Variants in MCC observed in about 807,000 individuals in gnomAD.
MCC encodes colorectal mutant cancer protein.
Under a neutral mutation model 116.2 loss-of-function variants are expected in MCC, and 90 were observed. The ratio of observed to expected loss-of-function variants is 0.77; its 90% CI spans 0.65 to 0.92. The LOEUF (loss-of-function observed/expected upper bound fraction) is 0.92, where lower values mean the gene tolerates loss of function less well. MCC is among the 40% of genes least tolerant of loss of function. MCC has a pLI of 0.00. For synonymous variants in MCC, 578 were observed against 510.5 expected (o/e 1.13, Z -1.78); for missense variants, 1,516 against 1,312.2 (o/e 1.16, Z -2.40).
At chr5:113,416,227 G>A (rs926170087) in intron 1 of MCC, among the ~76,000 whole-genome samples, 3 of 152,176 alleles carry the variant, frequency 2.0e-5, no homozygotes, top group Non-Finnish European at 4.4e-5. Context: ...ATAAGGTCCC[G>A]ACTTTTCTGT....
At chr5:113,403,676 G>A (rs946641755) in intron 1 of MCC, among the ~76,000 whole-genome samples, 1 of 152,068 alleles carries the variant, frequency 6.6e-6, no homozygotes, top group African/African-American at 2.4e-5. Context: ...AGAAGAGGAA[G>A]GTGGGAAATG....
chr5:113,299,071 G>A (rs1184157227), intron 3 of MCC, among the ~76,000 whole-genome samples: 1 of 151,974 alleles, frequency 6.6e-6, no homozygotes, highest in East Asian at 1.9e-4. Context: ...GGCGGATCAC[G>A]AGGTCACCAG....
intron 1 of MCC, among the ~76,000 whole-genome samples, chr5:113,415,660 C>T (rs1021338993): frequency 2.6e-5 from 4 of 152,116 alleles, no homozygotes; most frequent in Non-Finnish European, 5.9e-5. Flanking sequence ...TTCTATTTAG[C>T]CATTGGTCTA....
intron 5 of MCC, among the ~76,000 whole-genome samples, chr5:113,137,040 C>G (rs1224113122): frequency 6.6e-6 from 1 of 152,118 alleles, no homozygotes; most frequent in African/African-American, 2.4e-5. Flanking sequence ...AGTCTGTTCT[C>G]ACACTGCTAT....
intron 5 of MCC, among the ~76,000 whole-genome samples, chr5:113,140,869 G>A (rs1561394531): frequency 6.6e-6 from 1 of 152,138 alleles, no homozygotes; most frequent in Non-Finnish European, 1.5e-5. Context: ...TACTGCATTT[G>A]GCCCATCACA....
chr5:113,069,118 A>G (rs944039553), intron 12 of MCC, among the ~76,000 whole-genome samples: 3 of 152,262 alleles, frequency 2.0e-5, no homozygotes, highest in Non-Finnish European at 4.4e-5. Context: ...CATACTTCAT[A>G]TGTTCAATAG....
intron 3 of MCC, among the ~76,000 whole-genome samples, chr5:113,339,762 C>T (rs1767965641): frequency 6.6e-6 from 1 of 152,222 alleles, no homozygotes; most frequent in East Asian, 1.9e-4. Flanking sequence ...TTGAAAACCA[C>T]TGGTCTACAT....
intron 14 of MCC, among the ~76,000 whole-genome samples, chr5:113,060,883 G>T (rs776163252): frequency 6.6e-6 from 1 of 152,148 alleles, no homozygotes; most frequent in Admixed American, 6.5e-5. Context: ...AGATGGAAAA[G>T]CACCTCTCCT....
intron 6 of MCC, among the ~76,000 whole-genome samples, chr5:113,119,775 G>A (rs1243652871): frequency 6.6e-6 from 1 of 152,174 alleles, no homozygotes; most frequent in Non-Finnish European, 1.5e-5. Context: ...CTCCCCTCCA[G>A]GAACTCAGTC....
chr5:113,292,158 G>C (rs1430077672), intron 3 of MCC, among the ~76,000 whole-genome samples: 19 of 152,092 alleles, frequency 1.2e-4, no homozygotes, highest in Admixed American at 1.2e-3. Flanking sequence ...CTTGAACCCG[G>C]GAGGCAGAGG....
At chr5:113,050,416 A>G (rs531105699) in intron 15 of MCC, among the ~76,000 whole-genome samples, 2 of 152,218 alleles carry the variant, frequency 1.3e-5, no homozygotes, top group East Asian at 3.9e-4. Context: ...CTGAGGTAAT[A>G]AACCACAGGC....
At chr5:113,367,461 A>G (rs547862629) in intron 2 of MCC, among the ~76,000 whole-genome samples, 15 of 151,964 alleles carry the variant, frequency 9.9e-5, no homozygotes, top group South Asian at 4.2e-4. Flanking sequence ...ACTTGCTCCA[A>G]TGTCCATTAT....
intron 14 of MCC, among the ~76,000 whole-genome samples, chr5:113,062,906 A>T (rs753934750): frequency 1.1e-4 from 16 of 152,246 alleles, no homozygotes; most frequent in Admixed American, 3.3e-4. Flanking sequence ...CCAAGAAAGC[A>T]TCAGTATTTC....
intron 1 of MCC, among the ~76,000 whole-genome samples, chr5:113,419,513 G>C (rs570249114): frequency 6.6e-6 from 1 of 152,054 alleles, no homozygotes; most frequent in African/African-American, 2.4e-5. Context: ...GGAACAGTCT[G>C]AAATTTGATA....
intron 1 of MCC, among the ~76,000 whole-genome samples, chr5:113,424,401 G>C (rs1770429307): frequency 6.6e-6 from 1 of 152,010 alleles, no homozygotes; most frequent in African/African-American, 2.4e-5. Context: ...AATTTTCACA[G>C]AACAATAATA....
At chr5:113,143,155 T>C in intron 5 of MCC, 63 bp downstream of exon 5, 2 of 1,508,420 alleles carry the variant, frequency 1.3e-6, no homozygotes, top group Non-Finnish European at 1.8e-6. Flanking sequence ...TTGGGGCTAC[T>C]TCAGCTCCAA....
intron 3 of MCC, among the ~76,000 whole-genome samples, chr5:113,217,221 T>C (rs1307603442): frequency 6.6e-6 from 1 of 152,160 alleles, no homozygotes; most frequent in Non-Finnish European, 1.5e-5. Context: ...TCTCTCTCTC[T>C]CCCATAAAGA....
In MCC at chr5:113,149,075, AC is replaced by A. The variant is rs1221594409; in HGVS notation, c.741+2233del. ...ACTTTTTAAAATCCAAGACTACTGT[AC>A]ATGCCAGCTTCCAATTAAATGCATT... On this transcript the variant is annotated intron_variant, in intron 4 of 18. Transcript: ENST00000408903. Among the ~76,000 whole-genome samples the A allele has an allele frequency of 7.9e-5, 12 of 152,336 alleles. No homozygotes were observed. The East Asian group carries it at 1.5e-3, about 20-fold the overall frequency.
chr5:113,093,489 C>CTCTA (rs1319056536), intron 8 of MCC, among the ~76,000 whole-genome samples: 1 of 151,968 alleles, frequency 6.6e-6, no homozygotes, highest in Non-Finnish European at 1.5e-5. Flanking sequence ...CTCTCTCTCT[C>CTCTA]TCAATCAATC....
Sources: allele counts gnomAD v4.1 joint callset (sites outside exome capture counted in the v4.1 genomes callset), GRCh38; gene constraint gnomAD v4.1.1; transcripts MANE v1.5; gene names NCBI Gene and HGNC (gene_info 2026-07-23, HGNC 2026-07-21).